SLCO3A1: variants seen among roughly 807,000 people sequenced by gnomAD.
SLCO3A1 encodes PGE1 transporter.
A neutral mutation model predicts 63.1 loss-of-function variants in SLCO3A1; 27 were observed. The ratio of observed to expected loss-of-function variants is 0.43; its 90% CI spans 0.32 to 0.59. SLCO3A1 has a LOEUF of 0.59. Among genes scored for constraint, SLCO3A1 ranks in the 20% least tolerant of loss-of-function variants. The probability of loss-of-function intolerance (pLI) is 0.09; values close to 1 mark genes in which losing one functional copy is unlikely to be tolerated. For synonymous variants in SLCO3A1, 473 were observed against 409.9 expected, an observed-to-expected ratio of 1.15 and a Z score of -1.86; for missense variants, 773 against 945.8, an observed-to-expected ratio of 0.82 and a Z score of 2.40.
chr15:92,067,609 T>G (rs1378574531), intron 2 of SLCO3A1, among the ~76,000 whole-genome samples: 1 of 152,206 alleles, frequency 6.6e-6, no homozygotes, highest in Non-Finnish European at 1.5e-5. Flanking sequence ...GGTCATTAAA[T>G]AAGACTCATT....
intron 2 of SLCO3A1, among the ~76,000 whole-genome samples, chr15:92,052,967 A>G (rs370903878): frequency 1.3e-5 from 2 of 152,204 alleles, no homozygotes; most frequent in Non-Finnish European, 2.9e-5. Context: ...GGTGACCCAC[A>G]TTATACTTTT....
chr15:91,985,503 C>T (rs2046040633), intron 2 of SLCO3A1, among the ~76,000 whole-genome samples: 1 of 152,178 alleles, frequency 6.6e-6, no homozygotes, highest in Admixed American at 6.5e-5. Context: ...ATTGCTGAGT[C>T]ATGAGGTATG....
At chr15:92,039,195 A>G (rs933106069) in intron 2 of SLCO3A1, among the ~76,000 whole-genome samples, 1 of 152,246 alleles carries the variant, frequency 6.6e-6, no homozygotes, top group African/African-American at 2.4e-5. Context: ...CAAAAATGCC[A>G]AAAGCAATTA....
At position 91,942,516 on chromosome 15, in the gene SLCO3A1, G is replaced by A. The variant is rs189624843; in HGVS notation, c.646+26058G>A. 2.8e-4 allele frequency among the ~76,000 whole-genome samples: 42 copies of A among 152,266 alleles called. No homozygotes were observed. In the East Asian group the frequency reaches 3.3e-3, roughly 12 times the overall value. ...CAGTGGCCATCCCTCTTAGATTGACGATGCCCAGGCTCACTGGTTTTCAAA... is the reference window on the plus strand; with the variant it reads ...CAGTGGCCATCCCTCTTAGATTGACAATGCCCAGGCTCACTGGTTTTCAAA... On this transcript the variant is annotated intron_variant, in intron 2 of 9. Coordinates refer to ENST00000318445, the MANE Select transcript of SLCO3A1 (RefSeq NM_013272.4). This position sits in a 1 kb window ranked among gnomAD's most constrained non-coding sequence, Gnocchi z 4.1.
At chr15:91,994,147 T>C (rs953219503) in intron 2 of SLCO3A1, among the ~76,000 whole-genome samples, 2 of 152,208 alleles carry the variant, frequency 1.3e-5, no homozygotes, top group African/African-American at 2.4e-5. Flanking sequence ...TAATCTATTA[T>C]GTAGCAATAC....
At chr15:92,039,117 C>T (rs960169442) in intron 2 of SLCO3A1, among the ~76,000 whole-genome samples, 4 of 152,088 alleles carry the variant, frequency 2.6e-5, no homozygotes, top group South Asian at 2.1e-4. Context: ...AACCCAAAAC[C>T]GGAAAAACCC....
At chr15:92,057,909 C>T (rs750718558) in intron 2 of SLCO3A1, among the ~76,000 whole-genome samples, 40 of 152,300 alleles carry the variant, frequency 2.6e-4, no homozygotes, top group Non-Finnish European at 4.6e-4. Flanking sequence ...TTAAACAAAG[C>T]CCAACTCTTT....
chr15:91,903,258 G>A (rs545483301), intron 1 of SLCO3A1, among the ~76,000 whole-genome samples: 13 of 152,334 alleles, frequency 8.5e-5, no homozygotes, highest in African/African-American at 3.1e-4. Flanking sequence ...CTGGTGCCTC[G>A]TTGAGGCCAA....
chr15:92,066,010 A>T (rs1307579146), intron 2 of SLCO3A1, among the ~76,000 whole-genome samples: 1 of 152,254 alleles, frequency 6.6e-6, no homozygotes, highest in Admixed American at 6.5e-5. Flanking sequence ...TCTTACGGGC[A>T]ACATTCACAA....
chr15:92,135,860 T>G (rs1013845667), intron 7 of SLCO3A1, among the ~76,000 whole-genome samples: 2 of 152,070 alleles, frequency 1.3e-5, no homozygotes, highest in Non-Finnish European at 2.9e-5. Flanking sequence ...TAAACTCCCT[T>G]TATGAACATT....
intron 1 of SLCO3A1, among the ~76,000 whole-genome samples, chr15:91,880,413 G>GTGTA (rs1897549732): frequency 6.6e-6 from 1 of 151,210 alleles, no homozygotes; most frequent in Middle Eastern, 3.4e-3. Context: ...CTCTCTCTGT[G>GTGTA]TGTGTGTGTG....
intron 1 of SLCO3A1, among the ~76,000 whole-genome samples, chr15:91,903,247 C>T (rs1248306732): frequency 1.3e-5 from 2 of 152,296 alleles, no homozygotes; most frequent in Middle Eastern, 3.4e-3. Flanking sequence ...GAACAGATGG[C>T]CTGGTGCCTC....
intron 2 of SLCO3A1, among the ~76,000 whole-genome samples, chr15:92,053,866 G>A (rs2046990858): frequency 6.6e-6 from 1 of 151,912 alleles, no homozygotes; most frequent in South Asian, 2.1e-4. Flanking sequence ...TTCTCCATTG[G>A]GAAGCTGCCC....
At chr15:92,141,228 C>A (rs1310356971) in intron 7 of SLCO3A1, among the ~76,000 whole-genome samples, 1 of 152,186 alleles carries the variant, frequency 6.6e-6, no homozygotes, top group African/African-American at 2.4e-5. Flanking sequence ...CAGAGAATGG[C>A]AAACCAGGAA....
chr15:92,146,852 G>T, intron 7 of SLCO3A1, 132 bp from the exon 8 acceptor site: 1 of 761,072 alleles, frequency 1.3e-6, no homozygotes, highest in Non-Finnish European at 2.1e-6. Flanking sequence ...TAACTAACTC[G>T]TTTATTCAGG....
At chr15:92,023,562 G>A (rs530655456) in intron 2 of SLCO3A1, among the ~76,000 whole-genome samples, 25 of 151,942 alleles carry the variant, frequency 1.6e-4, no homozygotes, top group African/African-American at 5.8e-4. Flanking sequence ...TCTGCCTCCC[G>A]GGTTCAGGCG....
chr15:92,147,229 C>T, intron 8 of SLCO3A1, 70 bp downstream of exon 8: 2 of 1,450,574 alleles, frequency 1.4e-6, no homozygotes, highest in African/African-American at 1.4e-5. Context: ...TCCTAGGGAC[C>T]AGAGCTTCAG....
At chr15:92,081,724 G>A (rs1437741260) in intron 2 of SLCO3A1, among the ~76,000 whole-genome samples, 1 of 152,210 alleles carries the variant, frequency 6.6e-6, no homozygotes, top group African/African-American at 2.4e-5. Context: ...GGCAGAGGCT[G>A]GTTCTAGTCC....
chr15:92,164,102 A>G lies in SLCO3A1; in HGVS notation c.*967A>G, dbSNP rs533046394. Reference sequence around the variant, plus strand: ...TGTATAATCCTCTAATACTATTTTTAACTACTTCTAAAATCTGTGTTAACC... The same window carrying G: ...TGTATAATCCTCTAATACTATTTTTGACTACTTCTAAAATCTGTGTTAACC... On this transcript the variant is annotated 3_prime_UTR_variant, in exon 10 of 10. Transcript: ENST00000318445. The G allele has an allele frequency of 6.2e-5, 61 of 979,082 alleles. No individual in the cohort carries two copies. The highest frequency in any genetic ancestry group is 6.1e-5 in the Admixed American group (1 of 16,286). The allele number at this position is 979,082 out of a possible 1,614,324, so 60.6% of individuals were successfully genotyped here.
Sources: gnomAD v4.1 joint callset for allele counts (sites outside exome capture counted in the v4.1 genomes callset) on GRCh38, gnomAD v4.1.1 for gene constraint, Gnocchi (gnomAD v3.1) non-coding constraint, MANE v1.5 for transcripts, NCBI Gene and HGNC (gene_info 2026-07-23, HGNC 2026-07-21) for gene names.